The following CACNA2D3 variants were observed in gnomAD, a reference collection of about 807,000 sequenced individuals.
CACNA2D3 encodes calcium voltage-gated channel auxiliary subunit alpha2delta 3, also known as voltage-dependent calcium channel subunit alpha-2/delta-3.
A neutral mutation model predicts 160.6 loss-of-function variants in CACNA2D3; 60 were observed. That is an observed-to-expected ratio of 0.37 (90% CI 0.30 to 0.46). The LOEUF is 0.46. Among genes scored for constraint, CACNA2D3 ranks in the 20% least tolerant of loss-of-function variants. The probability of loss-of-function intolerance (pLI) is 1.00; values close to 1 mark genes in which losing one functional copy is unlikely to be tolerated. For missense variants in CACNA2D3, 1,205 were observed against 1,365.0 expected (o/e 0.88, Z 1.85); for synonymous variants, 558 against 492.9 (o/e 1.13, Z -1.75).
chr3:54,422,460 A>G (rs1699852048), intron 4 of CACNA2D3, among the ~76,000 whole-genome samples: 1 of 152,200 alleles, frequency 6.6e-6, no homozygotes, highest in Non-Finnish European at 1.5e-5. Context: ...AACCCCTTCC[A>G]TATCAATAAC....
chr3:54,698,693 G>A (rs1700710818), intron 11 of CACNA2D3, among the ~76,000 whole-genome samples: 2 of 152,128 alleles, frequency 1.3e-5, no homozygotes, highest in Admixed American at 1.3e-4. Context: ...AATAAAACAT[G>A]ATTAGAACAT....
chr3:54,667,219 C>A (rs1476908792), intron 11 of CACNA2D3, among the ~76,000 whole-genome samples: 4 of 144,310 alleles, frequency 2.8e-5, no homozygotes, highest in Non-Finnish European at 4.6e-5. Flanking sequence ...AAGGACCCTA[C>A]CTTGAACTAT....
chr3:54,952,073 C>T (rs535671642), intron 27 of CACNA2D3, among the ~76,000 whole-genome samples: 2 of 152,160 alleles, frequency 1.3e-5, no homozygotes, highest in Non-Finnish European at 2.9e-5. Context: ...CTCACAAACT[C>T]GTGGCCTCAA....
At chr3:54,157,081 A>G (rs926407840) in intron 2 of CACNA2D3, among the ~76,000 whole-genome samples, 8 of 152,228 alleles carry the variant, frequency 5.3e-5, no homozygotes, top group Non-Finnish European at 1.0e-4. Context: ...TCCAAGGTCA[A>G]GGTGTCCTCA....
At chr3:54,549,918 C>A (rs1422401313) in intron 5 of CACNA2D3, among the ~76,000 whole-genome samples, 1 of 152,212 alleles carries the variant, frequency 6.6e-6, no homozygotes, top group African/African-American at 2.4e-5. Context: ...GTTTAAATTT[C>A]TTTCTCTCTT....
intron 11 of CACNA2D3, among the ~76,000 whole-genome samples, chr3:54,687,942 GT>G (rs571345821): frequency 3.9e-5 from 6 of 151,946 alleles, no homozygotes; most frequent in Admixed American, 1.3e-4. Context: ...TAGCCAACAG[GT>G]TTTTTTTGTT....
At chr3:54,918,502 C>T in intron 27 of CACNA2D3, 3 of 1,613,996 alleles carry the variant, frequency 1.9e-6, no homozygotes, top group Non-Finnish European at 1.7e-6. Flanking sequence ...TTCCACCTTC[C>T]CAGGATCATT....
At chr3:54,694,478 AT>A (rs1483127781) in intron 11 of CACNA2D3, among the ~76,000 whole-genome samples, 5 of 152,116 alleles carry the variant, frequency 3.3e-5, no homozygotes, top group African/African-American at 1.2e-4. Context: ...ATACACACTG[AT>A]TTTCCTCATT....
intron 4 of CACNA2D3, among the ~76,000 whole-genome samples, chr3:54,442,012 T>C (rs1423703801): frequency 6.6e-6 from 1 of 152,176 alleles, no homozygotes; most frequent in Non-Finnish European, 1.5e-5. Flanking sequence ...TACGACTGTG[T>C]TGCCCAGGCT....
At chr3:54,832,019 A>AG (rs1268503043) in intron 14 of CACNA2D3, among the ~76,000 whole-genome samples, 81 of 137,942 alleles carry the variant, frequency 5.9e-4, no homozygotes, top group African/African-American at 2.3e-3. Context: ...TGTCACACAC[A>AG]CACACACACA....
chr3:54,249,697 A>ACACACACC (rs1491291745), intron 2 of CACNA2D3, among the ~76,000 whole-genome samples: 2 of 144,558 alleles, frequency 1.4e-5, no homozygotes, highest in African/African-American at 2.6e-5. Flanking sequence ...ACACACACAC[A>ACACACACC]CCCCTCATCC....
At chr3:54,768,574 G>C (rs913579953) in intron 13 of CACNA2D3, among the ~76,000 whole-genome samples, 1 of 152,184 alleles carries the variant, frequency 6.6e-6, no homozygotes, top group African/African-American at 2.4e-5. Context: ...GTCTGGGGCA[G>C]ATCTGGGCAT....
At chr3:54,961,833 C>A (rs991106364) in intron 27 of CACNA2D3, among the ~76,000 whole-genome samples, 1 of 152,004 alleles carries the variant, frequency 6.6e-6, no homozygotes, top group Non-Finnish European at 1.5e-5. Context: ...GTGGTAGAAG[C>A]CGGGTAATTT....
chr3:54,221,007 C>T (rs1340485005), intron 2 of CACNA2D3, among the ~76,000 whole-genome samples: 1 of 152,154 alleles, frequency 6.6e-6, no homozygotes, highest in African/African-American at 2.4e-5. Context: ...AGGTGGCTGG[C>T]TGGAGGTGAG....
intron 11 of CACNA2D3, among the ~76,000 whole-genome samples, chr3:54,729,118 T>C (rs1381461799): frequency 6.6e-6 from 1 of 152,108 alleles, no homozygotes; most frequent in East Asian, 1.9e-4. Context: ...CTGTTTGGCT[T>C]TCATGCCCTT....
chr3:54,518,421 C>G (rs1048068575), intron 5 of CACNA2D3, among the ~76,000 whole-genome samples: 1 of 152,142 alleles, frequency 6.6e-6, no homozygotes, highest in African/African-American at 2.4e-5. Flanking sequence ...GGGGTTCCCC[C>G]CAGTGTCTGA....
chr3:54,245,021 C>G (rs999449124), intron 2 of CACNA2D3, among the ~76,000 whole-genome samples: 1 of 152,144 alleles, frequency 6.6e-6, no homozygotes, highest in East Asian at 1.9e-4. Context: ...GGGTGGGTTA[C>G]AGCTAGGGTA....
At chr3:54,146,123 C>T (rs1435050195) in intron 2 of CACNA2D3, among the ~76,000 whole-genome samples, 1 of 152,184 alleles carries the variant, frequency 6.6e-6, no homozygotes, top group African/African-American at 2.4e-5. Flanking sequence ...GGGCAGCCCT[C>T]TTCCCTGCTA....
intron 11 of CACNA2D3, among the ~76,000 whole-genome samples, chr3:54,681,635 A>C (rs1700353699): frequency 6.6e-6 from 1 of 151,856 alleles, no homozygotes; most frequent in African/African-American, 2.4e-5. Flanking sequence ...AGAAGGTTGG[A>C]TCTGTGGAGA....
Sources: allele counts gnomAD v4.1 joint callset (sites outside exome capture counted in the v4.1 genomes callset), GRCh38; gene constraint gnomAD v4.1.1; transcripts MANE v1.5; gene names NCBI Gene and HGNC (gene_info 2026-07-23, HGNC 2026-07-21).